The following CSMD1 variants were observed in gnomAD, a reference collection of about 807,000 sequenced individuals.
CSMD1 encodes CUB and Sushi multiple domains 1.
CSMD1 carries 213 observed loss-of-function variants against 417.5 expected under a neutral mutation model. The observed-to-expected ratio is 0.51, with a 90% CI of 0.46 to 0.57. The LOEUF is 0.57. CSMD1 is among the 20% of genes least tolerant of loss of function. The pLI is 0.00. For synonymous variants in CSMD1, 2,862 were observed against 1,736.8 expected (o/e 1.65, Z -16.11); for missense variants, 6,923 against 4,529.7 (o/e 1.53, Z -15.17).
intron 1 of CSMD1, among the ~76,000 whole-genome samples, chr8:4,722,052 T>C (rs1046092898): frequency 2.0e-5 from 3 of 152,106 alleles, no homozygotes; most frequent in Admixed American, 2.0e-4. Flanking sequence ...AAGTATGAAG[T>C]TGAACTTATG....
chr8:4,705,973 T>C (rs1807912638), intron 1 of CSMD1, among the ~76,000 whole-genome samples: 1 of 151,950 alleles, frequency 6.6e-6, no homozygotes, highest in African/African-American at 2.4e-5. Context: ...GATAAATGCT[T>C]AGGATGACCT....
In CSMD1 at chr8:4,456,975, G is replaced by GT. The variant is rs1563196115; in HGVS notation, c.303-36911_303-36910insA. Among the ~76,000 whole-genome samples, 81 of 50,338 alleles carry GT rather than the reference G, an allele frequency of 1.6e-3. 1 individual carries two copies. The highest frequency in any genetic ancestry group is 0.02 in the Middle Eastern group (1 of 50). 33.0% of individuals were successfully genotyped at this position (50,338 alleles called of 152,430 possible). On this transcript the variant is annotated intron_variant, in intron 2 of 69. Coordinates refer to ENST00000635120, the MANE Select transcript of CSMD1 (RefSeq NM_033225.6). ...ATTTACAAGAGATTTTGATGAGTGT[G>GT]GTTTTTTTTTAAAAAAAAAAAAAAC...
intron 1 of CSMD1, among the ~76,000 whole-genome samples, chr8:4,813,682 T>C (rs908620578): frequency 6.6e-6 from 1 of 152,194 alleles, no homozygotes; most frequent in African/African-American, 2.4e-5. Context: ...TGACACACTA[T>C]TAAGAGATTC....
chr8:4,537,004 A>C (rs1246743146), intron 2 of CSMD1, among the ~76,000 whole-genome samples: 1 of 152,176 alleles, frequency 6.6e-6, no homozygotes, highest in Non-Finnish European at 1.5e-5. Flanking sequence ...ATATCATACA[A>C]ATTTGAGCAC....
At chr8:3,512,383 G>A (rs1004802657) in intron 10 of CSMD1, among the ~76,000 whole-genome samples, 9 of 152,052 alleles carry the variant, frequency 5.9e-5, no homozygotes, top group East Asian at 1.9e-4. Flanking sequence ...AAGATTACTC[G>A]TGTGTCTCTC....
intron 6 of CSMD1, among the ~76,000 whole-genome samples, chr8:3,724,973 T>C (rs1056710244): frequency 2.0e-5 from 3 of 152,236 alleles, no homozygotes; most frequent in Non-Finnish European, 4.4e-5. Flanking sequence ...TCAACGCAAC[T>C]AGCTTTGTTT....
chr8:4,766,484 C>A (rs1473399047), intron 1 of CSMD1, among the ~76,000 whole-genome samples: 1 of 152,136 alleles, frequency 6.6e-6, no homozygotes, highest in African/African-American at 2.4e-5. Flanking sequence ...AGAGCTGCAA[C>A]CAGAAAGTCA....
intron 41 of CSMD1, among the ~76,000 whole-genome samples, chr8:3,135,878 G>C (rs1189227731): frequency 3.9e-5 from 6 of 152,126 alleles, no homozygotes; most frequent in Non-Finnish European, 8.8e-5. Flanking sequence ...GGTATGGTTA[G>C]ATTGGGGACA....
intron 10 of CSMD1, among the ~76,000 whole-genome samples, chr8:3,566,741 C>G (rs545370698): frequency 6.6e-6 from 1 of 152,210 alleles, no homozygotes; most frequent in South Asian, 2.1e-4. Flanking sequence ...CCATCTCACA[C>G]CAGTTGGAAT....
In CSMD1 at chr8:4,039,382, G is replaced by C. The variant is rs189131542; in HGVS notation, c.416-7283C>G. On this transcript the variant is annotated intron_variant, in intron 3 of 69. Transcript: ENST00000635120. ...TCACCCCACTCTCTCTCCTGGCTTT[G>C]GGAAGGATTAGAAAAATCTGGTTAT... Among the ~76,000 whole-genome samples the C allele has an allele frequency of 6.2e-4, 94 of 152,272 alleles. 2 individuals carry two copies. The highest frequency in any genetic ancestry group is 2.1e-3 in the African/African-American group (89 of 41,552).
chr8:3,264,103 A>C (rs1038377924), intron 26 of CSMD1, among the ~76,000 whole-genome samples: 1 of 152,182 alleles, frequency 6.6e-6, no homozygotes, highest in African/African-American at 2.4e-5. Flanking sequence ...CTAAACATTT[A>C]TTCACCTCAA....
chr8:3,952,907 G>T (rs1020563986), intron 5 of CSMD1, among the ~76,000 whole-genome samples: 2 of 152,160 alleles, frequency 1.3e-5, no homozygotes, highest in Non-Finnish European at 2.9e-5. Flanking sequence ...AGCGAAAGCT[G>T]TATTGAGTGC....
chr8:4,573,923 G>C (rs927059146), intron 2 of CSMD1, among the ~76,000 whole-genome samples: 1 of 152,182 alleles, frequency 6.6e-6, no homozygotes, highest in African/African-American at 2.4e-5. Context: ...TTTACACTGT[G>C]AGGGGGAAAC....
intron 5 of CSMD1, among the ~76,000 whole-genome samples, chr8:3,837,716 A>G (rs1003719547): frequency 3.9e-5 from 6 of 152,118 alleles, no homozygotes; most frequent in Non-Finnish European, 5.9e-5. Flanking sequence ...TTGAGAACAC[A>G]TAACTACCCT....
chr8:4,830,980 C>T (rs569833440), intron 1 of CSMD1, among the ~76,000 whole-genome samples: 9 of 152,252 alleles, frequency 5.9e-5, no homozygotes, highest in Non-Finnish European at 7.4e-5. Context: ...ATCAACGAGG[C>T]ATTTAGAGGC....
intron 4 of CSMD1, 82 bp from the exon 5 acceptor site, chr8:3,998,192 G>T: frequency 1.6e-6 from 2 of 1,239,410 alleles, no homozygotes; most frequent in Non-Finnish European, 2.2e-6. Context: ...TGTCACTCTT[G>T]ATCAGCGACA....
chr8:4,477,495 G>A (rs975869571), intron 2 of CSMD1, among the ~76,000 whole-genome samples: 1 of 152,214 alleles, frequency 6.6e-6, no homozygotes, highest in Non-Finnish European at 1.5e-5. Flanking sequence ...TAATTAAAAT[G>A]CAGCATTACG....
intron 12 of CSMD1, among the ~76,000 whole-genome samples, chr8:3,418,796 G>C (rs753160179): frequency 1.3e-5 from 2 of 152,138 alleles, no homozygotes; most frequent in Admixed American, 6.5e-5. Context: ...ACCATAGTAG[G>C]AAATGAGAAG....
At position 3,716,365 on chromosome 8, in the gene CSMD1, C is replaced by T. The variant is rs1585123977; in HGVS notation, c.932-7874G>A. Among the ~76,000 whole-genome samples the T allele has an allele frequency of 2.0e-5, 3 of 152,242 alleles. No homozygotes were observed. The South Asian group carries it at 6.2e-4, about 31-fold the overall frequency. On this transcript the variant is annotated intron_variant, in intron 6 of 69. Coordinates refer to ENST00000635120, the MANE Select transcript of CSMD1 (RefSeq NM_033225.6). The stretch of plus-strand genomic sequence containing the variant: ...AAGAAGGGCTACTCCATAGACAGAA[C>T]AGTCTTGAAGGCCGCTGGTTGCCCA...
Sources: allele counts gnomAD v4.1 joint callset (sites outside exome capture counted in the v4.1 genomes callset), GRCh38; gene constraint gnomAD v4.1.1; transcripts MANE v1.5; gene names NCBI Gene and HGNC (gene_info 2026-07-23, HGNC 2026-07-21).